The following HAO1 variants were observed in gnomAD, a reference collection of about 807,000 sequenced individuals.
HAO1 encodes hydroxyacid oxidase 1.
A neutral mutation model predicts 39.7 loss-of-function variants in HAO1; 34 were observed. The ratio of observed to expected loss-of-function variants is 0.86; its 90% confidence interval spans 0.65 to 1.14. HAO1 has a LOEUF of 1.14. Ranked by LOEUF, HAO1 falls within the 50% of genes most tolerant of loss-of-function variation. The pLI is 0.00. For synonymous variants in HAO1, 172 were observed against 173.2 expected (o/e 0.99, Z 0.05); for missense variants, 479 against 464.5 (o/e 1.03, Z -0.29).
intron 2 of HAO1, among the ~76,000 whole-genome samples, chr20:7,920,268 C>T (rs974623216): frequency 6.6e-5 from 10 of 152,054 alleles, no homozygotes; most frequent in East Asian, 1.9e-4. Context: ...ACCTGCTTTC[C>T]CTTTCACCAT....
At chr20:7,894,825 T>A (rs1202714317) in intron 5 of HAO1, among the ~76,000 whole-genome samples, 1 of 152,182 alleles carries the variant, frequency 6.6e-6, no homozygotes, top group Non-Finnish European at 1.5e-5. Context: ...TCTTTCATAC[T>A]CCAGTTTACA....
chr20:7,886,832 G>A (rs1244835377), intron 5 of HAO1, among the ~76,000 whole-genome samples: 2 of 152,180 alleles, frequency 1.3e-5, no homozygotes, highest in Non-Finnish European at 2.9e-5. Context: ...CCATTTCTGA[G>A]CATAGGCCTT....
At chr20:7,931,498 G>A (rs1036787726) in intron 2 of HAO1, among the ~76,000 whole-genome samples, 5 of 152,026 alleles carry the variant, frequency 3.3e-5, no homozygotes, top group Admixed American at 2.6e-4. Flanking sequence ...TTCACCTGGC[G>A]TGTACCTCAG....
At chr20:7,937,511 AC>A (rs1971521265) in intron 1 of HAO1, among the ~76,000 whole-genome samples, 1 of 152,162 alleles carries the variant, frequency 6.6e-6, no homozygotes, top group Non-Finnish European at 1.5e-5. Flanking sequence ...GAATGACATC[AC>A]TTTTACCCAT....
chr20:7,915,764 T>C (rs933935370), intron 2 of HAO1, among the ~76,000 whole-genome samples: 1 of 152,094 alleles, frequency 6.6e-6, no homozygotes, highest in Admixed American at 6.5e-5. Context: ...TATAGATATA[T>C]TAAGGAAAGA....
rs764922506 is a variant in HAO1, at chr20:7,885,703, T to A, written c.972+3A>T. ...TTATATATTCATTTCTTTGTCCAGTTACCTGGAAAGCTAAGCCCCAAACGA... is the reference window on the plus strand; with the variant it reads ...TTATATATTCATTTCTTTGTCCAGTAACCTGGAAAGCTAAGCCCCAAACGA... On this transcript the variant is annotated splice_donor_region_variant and intron_variant, in intron 6 of 7. Coordinates refer to ENST00000378789, the MANE Select transcript of HAO1 (RefSeq NM_017545.3). 1.2e-6 allele frequency: 2 copies of A among 1,610,414 alleles called. No homozygotes were observed. Among genetic ancestry groups the A allele is most frequent in the South Asian group, 2.2e-5 (2 of 90,692 alleles).
intron 3 of HAO1, among the ~76,000 whole-genome samples, chr20:7,909,302 G>GT (rs2050264200): frequency 6.8e-6 from 1 of 147,576 alleles, no homozygotes; most frequent in African/African-American, 2.5e-5. Flanking sequence ...ACGATGGAGT[G>GT]TTTTACCAAA....
At position 7,922,525 on chromosome 20, in the gene HAO1, A is replaced by G. The variant is rs139225283; in HGVS notation, c.290-8106T>C. Among the ~76,000 whole-genome samples, 217 of 152,264 alleles carry G rather than the reference A, an allele frequency of 1.4e-3. 1 individual carries two copies. Among genetic ancestry groups the G allele is most frequent in the African/African-American group, 5.1e-3 (212 of 41,556 alleles). On this transcript the variant is annotated intron_variant, in intron 2 of 7. Coordinates refer to ENST00000378789, the MANE Select transcript of HAO1 (RefSeq NM_017545.3). ...CTAAAGGAGAGTGGAATCTTCTCCA[A>G]TTCCAAGAATTCCCTGTGAGGACAT...
chr20:7,907,235 C>T (rs2050252774), intron 3 of HAO1, among the ~76,000 whole-genome samples: 1 of 152,158 alleles, frequency 6.6e-6, no homozygotes, highest in African/African-American at 2.4e-5. Flanking sequence ...TTGACAACGA[C>T]AAGAGCTTTT....
intron 3 of HAO1, among the ~76,000 whole-genome samples, chr20:7,906,732 G>C (rs1217137222): frequency 6.6e-6 from 1 of 151,276 alleles, no homozygotes; most frequent in Non-Finnish European, 1.5e-5. Flanking sequence ...ATTTACAAAG[G>C]GTTTTGTATG....
chr20:7,895,982 G>A (rs2050195699), intron 4 of HAO1, among the ~76,000 whole-genome samples: 1 of 151,990 alleles, frequency 6.6e-6, no homozygotes, highest in African/African-American at 2.4e-5. Flanking sequence ...TGAGGCAGGA[G>A]AATCGTTTGA....
At chr20:7,916,479 A>G (rs972882675) in intron 2 of HAO1, among the ~76,000 whole-genome samples, 9 of 152,146 alleles carry the variant, frequency 5.9e-5, no homozygotes, top group African/African-American at 1.9e-4. Flanking sequence ...ATGATTCTCA[A>G]ACTTTAGCAG....
At chr20:7,899,775 G>A (rs1213836406) in intron 4 of HAO1, among the ~76,000 whole-genome samples, 1 of 151,974 alleles carries the variant, frequency 6.6e-6, no homozygotes, top group Non-Finnish European at 1.5e-5. Context: ...TTAATGAAAG[G>A]GCCAAAATAT....
intron 6 of HAO1, 32 bp from the exon 7 acceptor site, chr20:7,885,622 G>T: frequency 6.4e-7 from 1 of 1,567,878 alleles, no homozygotes; most frequent in Non-Finnish European, 8.8e-7. Flanking sequence ...GAGTGATTCA[G>T]AACTAAATCA....
At chr20:7,936,970 G>T (rs959748264) in intron 1 of HAO1, among the ~76,000 whole-genome samples, 1 of 151,894 alleles carries the variant, frequency 6.6e-6, no homozygotes, top group Non-Finnish European at 1.5e-5. Flanking sequence ...CTATATTCTC[G>T]GACTGTGCTT....
intron 4 of HAO1, among the ~76,000 whole-genome samples, chr20:7,900,143 A>AT (rs2050215025): frequency 6.6e-6 from 1 of 152,116 alleles, no homozygotes; most frequent in Non-Finnish European, 1.5e-5. Flanking sequence ...CATTAAGCGC[A>AT]TATTTTTTTA....
At chr20:7,932,233 C>T (rs1461043783) in intron 2 of HAO1, among the ~76,000 whole-genome samples, 1 of 151,562 alleles carries the variant, frequency 6.6e-6, no homozygotes, top group African/African-American at 2.4e-5. Context: ...CCATGTAGAA[C>T]TGTGAGTCAG....
chr20:7,930,767 C>T (rs559428992), intron 2 of HAO1, among the ~76,000 whole-genome samples: 11 of 152,160 alleles, frequency 7.2e-5, no homozygotes, highest in Non-Finnish European at 1.6e-4. Context: ...AGCTAGGGAA[C>T]CCTCTCTCCC....
At chr20:7,899,528 T>C (rs2050212067) in intron 4 of HAO1, among the ~76,000 whole-genome samples, 1 of 152,166 alleles carries the variant, frequency 6.6e-6, no homozygotes, top group South Asian at 2.1e-4. Context: ...GTTTCTTAAG[T>C]AACAGTCTGT....
Sources: allele counts gnomAD v4.1 joint callset (sites outside exome capture counted in the v4.1 genomes callset), GRCh38; gene constraint gnomAD v4.1.1; transcripts MANE v1.5; gene names NCBI Gene and HGNC (gene_info 2026-07-23, HGNC 2026-07-21).